Variants in PSMB1 observed in about 807,000 individuals in gnomAD.
PSMB1 encodes proteasome subunit beta type-1.
PSMB1 carries 7 observed loss-of-function variants against 25.4 expected under a neutral mutation model. That is an observed-to-expected ratio of 0.28 (90% CI 0.16 to 0.52). The LOEUF (loss-of-function observed/expected upper bound fraction) is 0.52. Among genes scored for constraint, PSMB1 ranks in the 20% least tolerant of loss-of-function variants. The probability of loss-of-function intolerance (pLI) is 0.97; values close to 1 mark genes in which losing one functional copy is unlikely to be tolerated. For missense variants in PSMB1, 284 were observed against 302.2 expected, an observed-to-expected ratio of 0.94 and a Z score of 0.45; for synonymous variants, 119 against 115.0, an observed-to-expected ratio of 1.03 and a Z score of -0.22.
intron 4 of PSMB1, among the ~76,000 whole-genome samples, chr6:170,538,556 G>A (rs1015895005): frequency 8.5e-5 from 13 of 152,176 alleles, no homozygotes; most frequent in African/African-American, 2.9e-4. Flanking sequence ...AAAATTAGCT[G>A]AGCATGGTGG....
chr6:170,537,021 AG>A (rs1321846842), intron 5 of PSMB1, among the ~76,000 whole-genome samples: 2 of 152,250 alleles, frequency 1.3e-5, no homozygotes, highest in Non-Finnish European at 2.9e-5. Context: ...CCATGGGAGT[AG>A]GTAAGGACCC....
intron 2 of PSMB1, among the ~76,000 whole-genome samples, chr6:170,547,830 C>T (rs1583116351): frequency 1.4e-5 from 2 of 141,930 alleles, no homozygotes; most frequent in East Asian, 4.5e-4. Flanking sequence ...TACAGGCATT[C>T]GTTAATGCTG....
intron 4 of PSMB1, among the ~76,000 whole-genome samples, chr6:170,539,710 C>G (rs974797709): frequency 6.6e-6 from 1 of 152,118 alleles, no homozygotes; most frequent in South Asian, 2.1e-4. Context: ...TTTATCTGAC[C>G]CAATACTTCA....
intron 4 of PSMB1, among the ~76,000 whole-genome samples, chr6:170,537,960 G>A (rs1209174173): frequency 6.6e-6 from 1 of 152,172 alleles, no homozygotes; most frequent in Non-Finnish European, 1.5e-5. Flanking sequence ...ACAGGTCCAA[G>A]GGACACATCC....
At chr6:170,541,866 T>C (rs971496805) in intron 4 of PSMB1, among the ~76,000 whole-genome samples, 31 of 152,248 alleles carry the variant, frequency 2.0e-4, no homozygotes, top group African/African-American at 7.5e-4. Flanking sequence ...CAGATTAGAC[T>C]CTCTAACTCT....
intron 4 of PSMB1, among the ~76,000 whole-genome samples, chr6:170,542,379 C>A (rs925245577): frequency 6.6e-6 from 1 of 152,044 alleles, no homozygotes; most frequent in African/African-American, 2.4e-5. Flanking sequence ...ATTTAGGGTC[C>A]CCAGTCCCCT....
At chr6:170,547,929 G>C (rs1778841973) in intron 2 of PSMB1, among the ~76,000 whole-genome samples, 1 of 141,462 alleles carries the variant, frequency 7.1e-6, no homozygotes, top group Non-Finnish European at 1.5e-5. Flanking sequence ...CGTAACTAAA[G>C]CAATATTTAA....
chr6:170,550,139 AC>A (rs1337100246), intron 1 of PSMB1: 1 of 152,230 alleles, frequency 6.6e-6, no homozygotes, highest in Non-Finnish European at 1.5e-5. Context: ...ATGGTGCCTC[AC>A]AGACGTAAGC....
intron 2 of PSMB1, among the ~76,000 whole-genome samples, chr6:170,546,438 C>T (rs1175807112): frequency 6.6e-6 from 1 of 152,066 alleles, no homozygotes; most frequent in East Asian, 1.9e-4. Flanking sequence ...TTTTTACTAT[C>T]TTGGGCTGAG....
intron 5 of PSMB1, chr6:170,536,467 T>A (rs1247960148): frequency 2.2e-6 from 1 of 456,758 alleles, no homozygotes; most frequent in South Asian, 1.5e-5. Flanking sequence ...GGGAAAGTTA[T>A]GACATCACAA....
chr6:170,552,747 G>A (rs2206286), intron 1 of PSMB1, among the ~76,000 whole-genome samples: 17,830 of 152,282 alleles, frequency 0.12, 1,336 homozygotes, highest in South Asian at 0.25. Flanking sequence ...GCTGGCATAA[G>A]AAACGTGTAC....
chr6:170,540,574 A>G (rs1345172523), intron 4 of PSMB1, among the ~76,000 whole-genome samples: 1 of 142,672 alleles, frequency 7.0e-6, no homozygotes, highest in East Asian at 2.1e-4. Flanking sequence ...AGACTCTTCA[A>G]TGTGAATGGA....
chr6:170,544,029 G>A (rs943273246), intron 3 of PSMB1, among the ~76,000 whole-genome samples: 4 of 152,196 alleles, frequency 2.6e-5, no homozygotes, highest in Non-Finnish European at 5.9e-5. Flanking sequence ...AAGGAAGATG[G>A]GTTTAAATCC....
chr6:170,539,231 T>C (rs1778729931), intron 4 of PSMB1, among the ~76,000 whole-genome samples: 1 of 152,092 alleles, frequency 6.6e-6, no homozygotes, highest in South Asian at 2.1e-4. Context: ...TTAAAAGAAA[T>C]ACAGCTAAGC....
intron 4 of PSMB1, among the ~76,000 whole-genome samples, chr6:170,538,466 T>C (rs1017799317): frequency 2.0e-5 from 3 of 152,134 alleles, no homozygotes; most frequent in African/African-American, 7.2e-5. Context: ...TCTGGGAGGC[T>C]GAGGTGGGCC....
chr6:170,546,511 G>T (rs1778820684), intron 2 of PSMB1, among the ~76,000 whole-genome samples: 1 of 152,174 alleles, frequency 6.6e-6, no homozygotes, highest in Admixed American at 6.5e-5. Flanking sequence ...TGTCACCCAG[G>T]CTGGAATGCA....
intron 4 of PSMB1, among the ~76,000 whole-genome samples, chr6:170,542,274 C>T (rs541571182): frequency 2.4e-4 from 36 of 152,248 alleles, no homozygotes; most frequent in African/African-American, 3.6e-4. Context: ...GCAAAGAAAA[C>T]GCTCATGGAA....
chr6:170,553,188 G>C lies in PSMB1; in HGVS notation c.55C>G (p.Pro19Ala). ...TGCAAAGGGCCCGCGGCTCTGTGCG[G>C]TTCCATCCCCAAGTCTCTGCCAGGA... ...SAPGRDLGME[P>A]HRAAGPLQLR... The change falls in exon 1 of 6, where the codon CCG (proline) becomes GCG (alanine). Residue 19 changes from proline (P) to alanine (A), a missense_variant. By Grantham distance (27) the Pro-to-Ala change is conservative. Transcript: ENST00000262193. The C allele has an allele frequency of 1.2e-6, 2 of 1,613,910 alleles. No homozygotes were observed. Among genetic ancestry groups the C allele is most frequent in the Non-Finnish European group, 1.7e-6 (2 of 1,179,926 alleles).
At chr6:170,535,433 T>G in intron 5 of PSMB1, 28 bp from the exon 6 acceptor site, 1 of 1,584,172 alleles carries the variant, frequency 6.3e-7, no homozygotes, top group Non-Finnish European at 8.6e-7. Flanking sequence ...TTGGGTGAGA[T>G]GTCATGTGAC....
Sources: gnomAD v4.1 joint callset for allele counts (sites outside exome capture counted in the v4.1 genomes callset) on GRCh38, gnomAD v4.1.1 for gene constraint, MANE v1.5 for transcripts, NCBI Gene and HGNC (gene_info 2026-07-23, HGNC 2026-07-21) for gene names.